Variants in CABLES1 observed in about 807,000 individuals in gnomAD.
CABLES1 encodes the protein CDK5 and ABL1 enzyme substrate 1.
A neutral mutation model predicts 57.8 loss-of-function variants in CABLES1; 36 were observed. The observed-to-expected ratio is 0.62, with a 90% confidence interval of 0.48 to 0.82. The LOEUF (loss-of-function observed/expected upper bound fraction) is 0.82. Among genes scored for constraint, CABLES1 ranks in the 40% least tolerant of loss-of-function variants. CABLES1 has a pLI of 0.00. For missense variants in CABLES1, 767 were observed against 836.6 expected, an observed-to-expected ratio of 0.92 and a Z score of 1.03; for synonymous variants, 374 against 363.0, an observed-to-expected ratio of 1.03 and a Z score of -0.35.
chr18:23,220,828 G>T (rs1369633552), intron 4 of CABLES1, among the ~76,000 whole-genome samples: 1 of 152,200 alleles, frequency 6.6e-6, no homozygotes, highest in East Asian at 1.9e-4. Flanking sequence ...TCTGGGTGGA[G>T]TCTTAAGTGA....
At chr18:23,253,580 C>T (rs1393171508) in intron 8 of CABLES1, 149 bp from the exon 9 acceptor site, 4 of 659,464 alleles carry the variant, frequency 6.1e-6, no homozygotes, top group Non-Finnish European at 1.1e-5. Flanking sequence ...ATGCATAACG[C>T]AGCCTTCACA....
chr18:23,237,722 A>C (rs867429661), intron 7 of CABLES1, among the ~76,000 whole-genome samples: 1 of 152,118 alleles, frequency 6.6e-6, no homozygotes, highest in African/African-American at 2.4e-5. Flanking sequence ...TTACATGCAA[A>C]ACCTTTCTCT....
At chr18:23,254,082 AG>A in intron 9 of CABLES1, 146 bp downstream of exon 9, 1 of 671,554 alleles carries the variant, frequency 1.5e-6, no homozygotes, top group Non-Finnish European at 2.6e-6. Flanking sequence ...TCTTTCCCAT[AG>A]TGGGAATAGT....
intron 5 of CABLES1, among the ~76,000 whole-genome samples, chr18:23,235,409 C>T (rs143435614): frequency 1.3e-5 from 2 of 152,290 alleles, no homozygotes; most frequent in African/African-American, 2.4e-5. Flanking sequence ...TCACCCCTAA[C>T]GAGGAAGTGT....
rs114664606 is a variant in CABLES1, at chr18:23,198,434, C to T, written c.1010+3894C>T. On this transcript the variant is annotated intron_variant, in intron 3 of 9. Transcript: ENST00000256925. ...AATCCTTGAAACAGCCTGAGTAGGG[C>T]ATTACTGTCTAGTGGCAGGCAGAGT... 3.0e-3 allele frequency among the ~76,000 whole-genome samples: 461 copies of T among 152,254 alleles called. 5 individuals carry two copies. Among genetic ancestry groups the T allele is most frequent in the Non-Finnish European group, 2.6e-3 (177 of 68,020 alleles).
In CABLES1 at chr18:23,167,873, T is replaced by A. The variant is rs570040601; in HGVS notation, c.846-20965T>A. On this transcript the variant is annotated intron_variant, in intron 1 of 9. Coordinates refer to ENST00000256925, the MANE Select transcript of CABLES1 (RefSeq NM_001100619.3). ...TTGGGGGAGGGGCCCTAGATTGGCA[T>A]GGAAGGAGACAGGGCATGCAGGCGC... Among the ~76,000 whole-genome samples the A allele has an allele frequency of 1.8e-3, 271 of 152,304 alleles. 2 individuals carry two copies. The highest frequency in any genetic ancestry group is 6.2e-3 in the African/African-American group (257 of 41,572).
Position 23,135,790 on chromosome 18 carries a change from A to G in CABLES1, c.28A>G (p.Thr10Ala). 5.4e-6 allele frequency: 5 copies of G among 931,290 alleles called. No individual in the cohort carries two copies. The highest frequency in any genetic ancestry group is 6.4e-6 in the Non-Finnish European group (5 of 785,520). The allele number at this position is 931,290 out of a possible 1,614,324, so 57.7% of individuals were successfully genotyped here. MAAAAAAAT[T>A]AACSSGSAGT... is the part of the protein sequence containing the mutation. Reference sequence around the variant, plus strand: ...GGCGGCGGCGGCGGCGGCCGCCACCACGGCCGCCTGCAGCAGCGGCAGCGC... The same window carrying G: ...GGCGGCGGCGGCGGCGGCCGCCACCGCGGCCGCCTGCAGCAGCGGCAGCGC... The change falls in exon 1 of 10, where the codon ACG (threonine) becomes GCG (alanine). Residue 10 changes from threonine to alanine, a missense_variant. By Grantham distance (58) the Thr-to-Ala change is moderately conservative. Coordinates refer to ENST00000256925, the MANE Select transcript of CABLES1 (RefSeq NM_001100619.3).
chr18:23,178,189 CA>C (rs2047138617), intron 1 of CABLES1, among the ~76,000 whole-genome samples: 1 of 152,056 alleles, frequency 6.6e-6, no homozygotes, highest in Non-Finnish European at 1.5e-5. Context: ...TCTCATCAGC[CA>C]CACAAAACCT....
In CABLES1 at chr18:23,237,198, T is replaced by C. The variant is rs746583023; in HGVS notation, c.1399T>C (p.Trp467Arg). The C allele has an allele frequency of 3.7e-6, 6 of 1,613,878 alleles. No individual in the cohort carries two copies. Among genetic ancestry groups the C allele is most frequent in the Non-Finnish European group, 5.1e-6 (6 of 1,179,824 alleles). The change falls in exon 7 of 10, where the codon TGG becomes CGG. Residue 467 changes from tryptophan (W) to arginine (R), a missense_variant. Trp to Arg is a moderately radical substitution (Grantham distance 101, BLOSUM62 -3). This residue lies in a region of CABLES1 where 529 missense variants were observed against 622.8 expected (regional missense o/e 0.85). Coordinates refer to ENST00000256925, the MANE Select transcript of CABLES1 (RefSeq NM_001100619.3). ...CCCAAATCTCTTGGATGACCCCCAG[T>C]GGCCTTGTGGCAAACACAAACGCGT... ...YDPNLLDDPQ[W>R]PCGKHKRVLI... is the part of the protein sequence containing the mutation.
intron 3 of CABLES1, among the ~76,000 whole-genome samples, chr18:23,203,347 C>T (rs115461756): frequency 1.5e-3 from 222 of 152,036 alleles, no homozygotes; most frequent in African/African-American, 3.5e-3. Flanking sequence ...ACTGAGCTAT[C>T]TCCTCCCTTG....
intron 7 of CABLES1, among the ~76,000 whole-genome samples, chr18:23,244,615 A>C (rs1454030620): frequency 6.6e-6 from 1 of 152,244 alleles, no homozygotes; most frequent in Non-Finnish European, 1.5e-5. Context: ...GCTGCTTTCC[A>C]GTGCCCAGCT....
Position 23,257,351 on chromosome 18 carries a change from T to A in CABLES1, c.1886T>A (p.Leu629Gln). 1 of 1,608,964 alleles carries A rather than the reference T, an allele frequency of 6.2e-7. No homozygotes were observed. ...EHEVMPHYRR[L>Q]VQSS ...GAAGTCATGCCCCACTACAGACGGC[T>A]GGTCCAGAGTTCCTAGCACTGGCCC... Residue 629 changes from leucine (L) to glutamine (Q), a missense_variant, in exon 10 of 10, where the codon CTG (leucine) becomes CAG (glutamine). Leu to Gln is a moderately radical substitution (Grantham distance 113). Around this residue, in one of 4 missense-constraint regions of CABLES1, gnomAD observed 25 missense variants for 23.1 expected, o/e 1.08. Transcript: ENST00000256925.
chr18:23,222,190 A>G (rs895315329), intron 4 of CABLES1, among the ~76,000 whole-genome samples: 1 of 152,066 alleles, frequency 6.6e-6, no homozygotes, highest in Non-Finnish European at 1.5e-5. Context: ...TCTCAGCCCT[A>G]GCAAGCTACC....
intron 4 of CABLES1, among the ~76,000 whole-genome samples, chr18:23,221,344 T>C (rs1383310674): frequency 6.6e-6 from 1 of 152,244 alleles, no homozygotes; most frequent in African/African-American, 2.4e-5. Context: ...GTCTTCATGT[T>C]CTTTTACTTT....
Position 23,253,047 on chromosome 18 carries a change from A to G in CABLES1, c.1534A>G (p.Thr512Ala). Residue 512 changes from threonine to alanine, a missense_variant, in exon 8 of 10, where the codon ACA (threonine) becomes GCA (alanine). Thr to Ala is a moderately conservative substitution (Grantham distance 58). Around this residue, in one of 4 missense-constraint regions of CABLES1, gnomAD observed 529 missense variants for 622.8 expected, o/e 0.85. Coordinates refer to ENST00000256925, the MANE Select transcript of CABLES1 (RefSeq NM_001100619.3). ...FKEKFPHIKL[T>A]LSKIRSLKRE... ...GGAGAAGTTTCCTCACATTAAGCTG[A>G]CACTCAGCAAAATTAGGAGGTACGG... 1 of 1,612,224 alleles carries G rather than the reference A, an allele frequency of 6.2e-7. No homozygotes were observed.
At chr18:23,182,039 A>C (rs2047170934) in intron 1 of CABLES1, among the ~76,000 whole-genome samples, 1 of 152,178 alleles carries the variant, frequency 6.6e-6, no homozygotes, top group African/African-American at 2.4e-5. Context: ...GAAGGGGGGT[A>C]CACCCATGGG....
At chr18:23,192,954 G>A (rs1356064422) in intron 2 of CABLES1, among the ~76,000 whole-genome samples, 1 of 152,058 alleles carries the variant, frequency 6.6e-6, no homozygotes, top group South Asian at 2.1e-4. Flanking sequence ...CACTTTGGGA[G>A]GCTGAGGTGG....
chr18:23,247,122 C>T (rs2047916150), intron 7 of CABLES1, among the ~76,000 whole-genome samples: 1 of 152,238 alleles, frequency 6.6e-6, no homozygotes, highest in Admixed American at 6.5e-5. Flanking sequence ...GTGGCTCAAT[C>T]TCCTAGTACA....
chr18:23,154,606 G>T (rs901691089), intron 1 of CABLES1, among the ~76,000 whole-genome samples: 4 of 152,072 alleles, frequency 2.6e-5, no homozygotes, highest in Non-Finnish European at 5.9e-5. Flanking sequence ...ATATCTAATG[G>T]GACTCTTGTA....
Sources: allele counts gnomAD v4.1 joint callset (sites outside exome capture counted in the v4.1 genomes callset), GRCh38; gene constraint gnomAD v4.1.1; regional missense constraint gnomAD v4.1.1; transcripts MANE v1.5; gene names NCBI Gene and HGNC (gene_info 2026-07-23, HGNC 2026-07-21).